The following BCAT1 variants were observed in gnomAD, a reference collection of about 807,000 sequenced individuals.
BCAT1 encodes the protein branched chain amino acid transaminase 1, also known as branched-chain-amino-acid aminotransferase, cytosolic.
A neutral mutation model predicts 52.4 loss-of-function variants in BCAT1; 48 were observed. The ratio of observed to expected loss-of-function variants is 0.92; its 90% CI spans 0.73 to 1.16. The LOEUF (loss-of-function observed/expected upper bound fraction) is 1.16, where lower values mean the gene tolerates loss of function less well. BCAT1 is among the 50% of genes most tolerant of loss of function. The pLI, the probability that BCAT1 is intolerant of heterozygous loss-of-function variation, is 0.00. For synonymous variants in BCAT1, 167 were observed against 161.3 expected (o/e 1.04, Z -0.27); for missense variants, 451 against 457.1 (o/e 0.99, Z 0.12).
At position 24,816,628 on chromosome 12, in the gene BCAT1, C is replaced by CTTGACA. The variant is rs1939886313; in HGVS notation, c.*1374_*1379dup. 1 of 394,820 alleles carries CTTGACA rather than the reference C, an allele frequency of 2.5e-6. No individual in the cohort carries two copies. Among genetic ancestry groups the CTTGACA allele is most frequent in the Non-Finnish European group, 4.5e-6 (1 of 224,136 alleles). The allele number at this position is 394,820 out of a possible 1,614,324, so 24.5% of individuals were successfully genotyped here. A position where few individuals can be genotyped will look rare whatever the true frequency, so the allele number is the denominator to read the frequency against. ...AAAAGATTTATTTCTGCAATTAACA[C>CTTGACA]TTGACATAAAACATTTGTCATTTCC... On this transcript the variant is annotated 3_prime_UTR_variant, in exon 11 of 11. Transcript: ENST00000261192.
intron 1 of BCAT1, among the ~76,000 whole-genome samples, chr12:24,928,626 C>G (rs1386646107): frequency 9.2e-6 from 1 of 108,196 alleles, no homozygotes; most frequent in African/African-American, 3.2e-5. Context: ...CAGAGCGAGA[C>G]AGTCTCAAAA....
At chr12:24,824,625 C>T (rs899304796) in intron 10 of BCAT1, among the ~76,000 whole-genome samples, 3 of 152,058 alleles carry the variant, frequency 2.0e-5, no homozygotes, top group African/African-American at 7.2e-5. Context: ...ATACAATCTC[C>T]AAGAGGTAAC....
intron 1 of BCAT1, among the ~76,000 whole-genome samples, chr12:24,924,147 C>A (rs898855395): frequency 7.2e-5 from 11 of 152,086 alleles, no homozygotes; most frequent in Non-Finnish European, 4.4e-5. Context: ...AGTGAGAAGA[C>A]CATAAATTAC....
Position 24,893,909 on chromosome 12 carries a change from A to G in BCAT1, c.279+366T>C, listed in dbSNP as rs147312332. Reference sequence around the variant, plus strand: ...AAAATGTGGAGTTAGCATTAAAATCAAATCATAATATTGTTCTCAATGACC... The same window carrying G: ...AAAATGTGGAGTTAGCATTAAAATCGAATCATAATATTGTTCTCAATGACC... On this transcript the variant is annotated intron_variant, in intron 3 of 10. Coordinates refer to ENST00000261192, the MANE Select transcript of BCAT1 (RefSeq NM_005504.7). 5.4e-3 allele frequency among the ~76,000 whole-genome samples: 830 copies of G among 152,338 alleles called. 4 individuals are homozygous for G. Among genetic ancestry groups the G allele is most frequent in the African/African-American group, 0.019 (801 of 41,572 alleles).
intron 5 of BCAT1, among the ~76,000 whole-genome samples, chr12:24,859,854 T>G (rs1488226300): frequency 6.6e-6 from 1 of 152,178 alleles, no homozygotes; most frequent in Non-Finnish European, 1.5e-5. Context: ...TTTGGCTTAC[T>G]TGGTATATTA....
intron 1 of BCAT1, among the ~76,000 whole-genome samples, chr12:24,939,284 G>C (rs1404842809): frequency 1.3e-5 from 2 of 152,122 alleles, no homozygotes; most frequent in African/African-American, 4.8e-5. Flanking sequence ...TGGTAGCCTT[G>C]GTAGGAGCTA....
At chr12:24,895,206 G>A (rs532004396) in intron 2 of BCAT1, among the ~76,000 whole-genome samples, 6 of 152,250 alleles carry the variant, frequency 3.9e-5, no homozygotes, top group East Asian at 1.9e-4. Flanking sequence ...AACATTAAGC[G>A]TACAAATTGC....
At chr12:24,901,777 G>A (rs759064366) in intron 2 of BCAT1, 37 bp downstream of exon 2, 11 of 1,591,116 alleles carry the variant, frequency 6.9e-6, no homozygotes, top group African/African-American at 1.3e-5. Flanking sequence ...TCAGTTGAAC[G>A]TTGCTTTAGA....
At chr12:24,924,602 GAAATTCAGGATGTGAAATAGCCAAT>G (rs1943552500) in intron 1 of BCAT1, among the ~76,000 whole-genome samples, 1 of 152,002 alleles carries the variant, frequency 6.6e-6, no homozygotes, top group African/African-American at 2.4e-5. Flanking sequence ...TAAAATTAGA[GAAATTCAGGATGTGAAATAGCCAAT>G]GAGCCTGAAT....
chr12:24,832,793 ACT>A lies in BCAT1; in HGVS notation c.972_973del (p.Arg324SerfsTer18). 4 of 1,611,008 alleles carry A rather than the reference ACT, an allele frequency of 2.5e-6. No homozygotes were observed. Among genetic ancestry groups the A allele is most frequent in the Non-Finnish European group, 3.4e-6 (4 of 1,178,436 alleles). On this transcript the variant is annotated frameshift_variant, in exon 9 of 11. Coordinates refer to ENST00000261192, the MANE Select transcript of BCAT1 (RefSeq NM_005504.7). LOFTEE classifies it high-confidence loss of function. ...TGTACCAGAGCCAAACATCTCTCTC[ACT>A]CTGTTCCCCTCCAGGGCTGTTGTCA...
chr12:24,891,382 G>A (rs1763444668), intron 3 of BCAT1, among the ~76,000 whole-genome samples: 1 of 152,086 alleles, frequency 6.6e-6, no homozygotes. Context: ...TATGAGTTAG[G>A]AAGCCTGTGA....
intron 5 of BCAT1, among the ~76,000 whole-genome samples, chr12:24,864,501 C>T (rs1399419469): frequency 6.6e-6 from 1 of 152,162 alleles, no homozygotes. Context: ...GGATGCTGCT[C>T]TACTTAGTCA....
chr12:24,940,103 C>T lies in BCAT1; in HGVS notation c.6+8824G>A, dbSNP rs149959112. ...TTTCTTTTAATGTCATTATTTTTTACGCCTAATGACTATGCAAATGACTTC... is the reference window on the plus strand; with the variant it reads ...TTTCTTTTAATGTCATTATTTTTTATGCCTAATGACTATGCAAATGACTTC... On this transcript the variant is annotated intron_variant, in intron 1 of 10. Coordinates refer to ENST00000261192, the MANE Select transcript of BCAT1 (RefSeq NM_005504.7). Among the ~76,000 whole-genome samples the T allele has an allele frequency of 4.5e-3, 685 of 152,202 alleles. 4 individuals are homozygous for T. The highest frequency in any genetic ancestry group is 0.016 in the African/African-American group (656 of 41,536).
chr12:24,870,406 ATAG>A (rs1942149866), intron 5 of BCAT1, among the ~76,000 whole-genome samples: 1 of 152,262 alleles, frequency 6.6e-6, no homozygotes, highest in South Asian at 2.1e-4. Flanking sequence ...GAAAGTAGAC[ATAG>A]TAGAATGAGA....
chr12:24,933,132 T>C (rs1943701215), intron 1 of BCAT1, among the ~76,000 whole-genome samples: 2 of 141,716 alleles, frequency 1.4e-5, no homozygotes, highest in African/African-American at 5.3e-5. Flanking sequence ...TTTTTTTTTT[T>C]TTTTTTTTGT....
At chr12:24,900,164 T>C (rs902980974) in intron 2 of BCAT1, among the ~76,000 whole-genome samples, 22 of 152,248 alleles carry the variant, frequency 1.4e-4, no homozygotes, top group African/African-American at 5.1e-4. Context: ...TTTTTACACA[T>C]GCCTTATTAC....
intron 2 of BCAT1, among the ~76,000 whole-genome samples, chr12:24,896,922 C>T (rs1942973496): frequency 6.6e-6 from 1 of 152,168 alleles, no homozygotes; most frequent in South Asian, 2.1e-4. Context: ...TGGCTGCTTT[C>T]AGATACACTC....
chr12:24,930,458 A>T (rs1187591539), intron 1 of BCAT1, among the ~76,000 whole-genome samples: 1 of 152,194 alleles, frequency 6.6e-6, no homozygotes, highest in Non-Finnish European at 1.5e-5. Context: ...TCTTGACTCT[A>T]ACCACAGGCA....
At position 24,840,261 on chromosome 12, in the gene BCAT1, T is replaced by C. The variant is rs75294353; in HGVS notation, c.817+1821A>G. On this transcript the variant is annotated intron_variant, in intron 7 of 10. Transcript: ENST00000261192. Reference sequence around the variant, plus strand: ...CTTAAATTCTGACATCTCCCATCCATAAAAATAATGATGGTACCACCTCTG... The same window carrying C: ...CTTAAATTCTGACATCTCCCATCCACAAAAATAATGATGGTACCACCTCTG... Among the ~76,000 whole-genome samples the C allele has an allele frequency of 4.3e-4, 65 of 152,294 alleles. No individual in the cohort carries two copies. In the East Asian group the frequency reaches 0.012, roughly 28 times the overall value.
Sources: gnomAD v4.1 joint callset for allele counts (sites outside exome capture counted in the v4.1 genomes callset) on GRCh38, gnomAD v4.1.1 for gene constraint, MANE v1.5 for transcripts, NCBI Gene and HGNC (gene_info 2026-07-23, HGNC 2026-07-21) for gene names.